Variants in FAF2 observed in about 807,000 individuals in gnomAD.
The protein encoded by FAF2 is Fas associated factor family member 2.
A neutral mutation model predicts 62.3 loss-of-function variants in FAF2; 9 were observed. The ratio of observed to expected loss-of-function variants is 0.14; its 90% CI spans 0.09 to 0.25. The LOEUF is 0.25. Ranked by LOEUF, FAF2 falls within the 10% of genes least tolerant of loss-of-function variation. FAF2 has a pLI of 1.00. For synonymous variants in FAF2, 202 were observed against 198.0 expected, an observed-to-expected ratio of 1.02 and a Z score of -0.17; for missense variants, 368 against 556.2, an observed-to-expected ratio of 0.66 and a Z score of 3.40.
rs146249710 is a variant in FAF2 at position 176,507,255 on chromosome 5, C to T, written c.*305C>T. 270 of 455,288 alleles carry T rather than the reference C, an allele frequency of 5.9e-4. 4 individuals carry two copies. In the East Asian group the frequency reaches 0.012, roughly 21 times the overall value. 28.2% of individuals were successfully genotyped at this position (455,288 alleles called of 1,614,324 possible). ...GTGAACAGAGACTCTTCACCTTCGA[C>T]CCATCCATTGTCCCAGCTGGGAAGG... On this transcript the variant is annotated 3_prime_UTR_variant, in exon 11 of 11. Coordinates refer to ENST00000261942, the MANE Select transcript of FAF2 (RefSeq NM_014613.3).
At position 176,448,432 on chromosome 5, in the gene FAF2, C is replaced by A; in HGVS notation, c.25C>A (p.Leu9Ile). Residue 9 changes from leucine to isoleucine, a missense_variant, in exon 1 of 11, where the codon CTA becomes ATA. By Grantham distance (5) the Leu-to-Ile change is conservative (BLOSUM62 2). Coordinates refer to ENST00000261942, the MANE Select transcript of FAF2 (RefSeq NM_014613.3). The part of the protein sequence containing the change: MAAPEERD[L>I]TQEQTEKLLQ... ...AATGGCGGCGCCTGAGGAGCGGGAT[C>A]TAACCCAGGAGCAGACAGAGAAGCT... 6.2e-7 allele frequency: 1 copy of A among 1,607,682 alleles called. No individual in the cohort carries two copies. The highest frequency in any genetic ancestry group is 8.5e-7 in the Non-Finnish European group (1 of 1,177,338).
chr5:176,477,030 G>C (rs113374008), intron 1 of FAF2, among the ~76,000 whole-genome samples: 21 of 150,572 alleles, frequency 1.4e-4, no homozygotes, highest in Middle Eastern at 3.5e-3. Context: ...GGATGGTCTC[G>C]ATCTCCTGAC....
At chr5:176,479,103 T>C (rs1758748406) in intron 1 of FAF2, 85 bp from the exon 2 acceptor site, 6 of 1,058,998 alleles carry the variant, frequency 5.7e-6, no homozygotes, top group South Asian at 5.0e-5. Flanking sequence ...TTTAGTGTAT[T>C]TTCCTAGCAG....
chr5:176,453,964 G>A (rs1401391404), intron 1 of FAF2, among the ~76,000 whole-genome samples: 2 of 151,676 alleles, frequency 1.3e-5, no homozygotes, highest in African/African-American at 2.4e-5. Flanking sequence ...GCTAAGGCAG[G>A]AGAATTGCTT....
chr5:176,507,256 C>CCAT lies in FAF2; in HGVS notation c.*308_*310dup, dbSNP rs1460460705. The stretch of plus-strand genomic sequence containing the variant: ...TGAACAGAGACTCTTCACCTTCGAC[C>CCAT]CATCCATTGTCCCAGCTGGGAAGGG... On this transcript the variant is annotated 3_prime_UTR_variant, in exon 11 of 11. Coordinates refer to ENST00000261942, the MANE Select transcript of FAF2 (RefSeq NM_014613.3). 6.6e-6 allele frequency: 3 copies of CCAT among 454,964 alleles called. No individual in the cohort carries two copies. Among genetic ancestry groups the CCAT allele is most frequent in the African/African-American group, 6.0e-5 (3 of 49,862 alleles). 28.2% of individuals were successfully genotyped at this position (454,964 alleles called of 1,614,324 possible).
intron 10 of FAF2, 133 bp downstream of exon 10, chr5:176,500,279 G>A (rs1404897508): frequency 3.6e-6 from 3 of 832,338 alleles, no homozygotes. Context: ...GAGAGAGAGA[G>A]ATGGGTATGC....
intron 1 of FAF2, among the ~76,000 whole-genome samples, chr5:176,475,929 C>G (rs1020652280): frequency 6.6e-6 from 1 of 152,072 alleles, no homozygotes; most frequent in African/African-American, 2.4e-5. Context: ...TTTTAACAAC[C>G]AGCTTGGCAT....
chr5:176,460,781 A>G lies in FAF2; in HGVS notation c.63+12311A>G, dbSNP rs545989334. ...GCCTGGGCAACATTGCAAGACCCCA[A>G]CTGTACCAAAAATCCAAAAGATTCA... On this transcript the variant is annotated intron_variant, in intron 1 of 10. Coordinates refer to ENST00000261942, the MANE Select transcript of FAF2 (RefSeq NM_014613.3). Among the ~76,000 whole-genome samples the G allele has an allele frequency of 1.9e-3, 285 of 152,026 alleles. 1 individual carries two copies. The highest frequency in any genetic ancestry group is 6.5e-3 in the African/African-American group (268 of 41,488).
At chr5:176,456,131 G>T (rs2113715795) in intron 1 of FAF2, among the ~76,000 whole-genome samples, 1 of 152,266 alleles carries the variant, frequency 6.6e-6, no homozygotes, top group African/African-American at 2.4e-5. Context: ...CAGTGCAGTG[G>T]TGTGATCTCA....
At position 176,476,262 on chromosome 5, in the gene FAF2, T is replaced by C. The variant is rs540123140; in HGVS notation, c.64-2926T>C. On this transcript the variant is annotated intron_variant, in intron 1 of 10. Transcript: ENST00000261942. ...ACAACAGAGCCAGACAGAACCTGTC[T>C]TAAAAAAACAAAGCAAAACAAAAAA... is the stretch of plus-strand genomic sequence containing the variant. Among the ~76,000 whole-genome samples, 46 of 152,244 alleles carry C rather than the reference T, an allele frequency of 3.0e-4. No individual in the cohort carries two copies. In the South Asian group the frequency reaches 7.5e-3, roughly 25 times the overall value.
Position 176,452,863 on chromosome 5 carries a change from A to G in FAF2, c.63+4393A>G, listed in dbSNP as rs529264941. ...TAGGTTTCAGGTTTGCTTCATTAGC[A>G]GTATGGAGTATGTGTTTGGAATCTC... On this transcript the variant is annotated intron_variant, in intron 1 of 10. Coordinates refer to ENST00000261942, the MANE Select transcript of FAF2 (RefSeq NM_014613.3). Among the ~76,000 whole-genome samples, 139 of 152,358 alleles carry G rather than the reference A, an allele frequency of 9.1e-4. 1 individual carries two copies. The highest frequency in any genetic ancestry group is 3.2e-3 in the African/African-American group (132 of 41,598).
intron 2 of FAF2, among the ~76,000 whole-genome samples, chr5:176,484,136 C>T (rs573149953): frequency 1.6e-4 from 25 of 152,166 alleles, no homozygotes; most frequent in East Asian, 1.9e-4. Context: ...ATGAAGCTTG[C>T]ATACTACGCT....
intron 1 of FAF2, among the ~76,000 whole-genome samples, chr5:176,466,829 G>A (rs1758477103): frequency 6.6e-6 from 1 of 152,162 alleles, no homozygotes; most frequent in Non-Finnish European, 1.5e-5. Flanking sequence ...AAGTAGTATA[G>A]AATAGTTCAC....
intron 1 of FAF2, among the ~76,000 whole-genome samples, chr5:176,460,452 A>G (rs1758357562): frequency 7.0e-6 from 1 of 142,622 alleles, no homozygotes; most frequent in Non-Finnish European, 1.5e-5. Context: ...CAAAATGGTA[A>G]CTCATTGTGA....
chr5:176,459,892 C>T (rs564200404), intron 1 of FAF2, among the ~76,000 whole-genome samples: 1 of 152,128 alleles, frequency 6.6e-6, no homozygotes, highest in South Asian at 2.1e-4. Flanking sequence ...TCCCACTCTA[C>T]CCCATCTAGT....
intron 2 of FAF2, 148 bp downstream of exon 2, chr5:176,479,404 G>A (rs1000830035): frequency 2.3e-5 from 15 of 657,772 alleles, no homozygotes; most frequent in Non-Finnish European, 3.6e-5. Flanking sequence ...GGTAAAGAAT[G>A]TGAGAAAGTT....
intron 1 of FAF2, among the ~76,000 whole-genome samples, chr5:176,450,955 A>T (rs190070474): frequency 2.0e-5 from 3 of 152,210 alleles, no homozygotes; most frequent in Admixed American, 6.6e-5. Flanking sequence ...TTTCTATTCT[A>T]TAAGCAATCG....
rs1259407553 is a variant in FAF2 at position 176,489,970 on chromosome 5, A to AAG, written c.344+946_344+947dup. 2.0e-5 allele frequency among the ~76,000 whole-genome samples: 3 copies of AAG among 152,216 alleles called. No individual in the cohort carries two copies. In the East Asian group the frequency reaches 5.8e-4, roughly 29 times the overall value. ...TCTAGCTTCCTTCATGTACCATTAA[A>AAG]AGAGCTCATCATTGGAAGCTACAGA... On this transcript the variant is annotated intron_variant, in intron 4 of 10. Transcript: ENST00000261942.
At chr5:176,477,765 C>T (rs1758729028) in intron 1 of FAF2, among the ~76,000 whole-genome samples, 1 of 152,138 alleles carries the variant, frequency 6.6e-6, no homozygotes, top group Non-Finnish European at 1.5e-5. Context: ...TTAAACCCTT[C>T]ACATTGCACA....
Sources: allele counts gnomAD v4.1 joint callset (sites outside exome capture counted in the v4.1 genomes callset), GRCh38; gene constraint gnomAD v4.1.1; transcripts MANE v1.5; gene names NCBI Gene and HGNC (gene_info 2026-07-23, HGNC 2026-07-21).